Variants in ELSPBP1 observed in about 807,000 individuals in gnomAD.
The protein encoded by ELSPBP1 is epididymal sperm binding protein 1.
ELSPBP1 carries 38 observed loss-of-function variants against 33.3 expected under a neutral mutation model. That is an observed-to-expected ratio of 1.14 (90% CI 0.88 to 1.50). The LOEUF is 1.50. Among genes scored for constraint, ELSPBP1 ranks in the 40% most tolerant of loss-of-function variants. The pLI is 0.00. For missense variants in ELSPBP1, 267 were observed against 263.5 expected (o/e 1.01, Z -0.09); for synonymous variants, 85 against 94.1 (o/e 0.90, Z 0.56).
At position 48,011,217 on chromosome 19, in the gene ELSPBP1, G is replaced by A. The variant is rs1967073201; in HGVS notation, c.70+2480G>A. 6.7e-6 allele frequency among the ~76,000 whole-genome samples: 1 copy of A among 148,330 alleles called. No homozygotes were observed. The highest frequency in any genetic ancestry group is 1.5e-5 in the Non-Finnish European group (1 of 67,014). On this transcript the variant is annotated intron_variant, in intron 2 of 6. Coordinates refer to ENST00000339841, the MANE Select transcript of ELSPBP1 (RefSeq NM_022142.5). The surrounding 1 kb of genome is among the most constrained non-coding windows in gnomAD (Gnocchi z 4.5). ...TAATGATGACAATGATGATGAGAATGACAATAATGGGGTTGATGATGATGA... is the reference window on the plus strand; with the variant it reads ...TAATGATGACAATGATGATGAGAATAACAATAATGGGGTTGATGATGATGA...
chr19:48,023,215 AGGAAGGAGGGAG>A (rs1455111993), intron 6 of ELSPBP1, among the ~76,000 whole-genome samples: 15 of 131,720 alleles, frequency 1.1e-4, no homozygotes, highest in Admixed American at 5.3e-4. Context: ...GAAGGAGGGA[AGGAAGGAGGGAG>A]GGAAGGAAGA....
At chr19:48,013,920 A>G (rs1010062780) in intron 2 of ELSPBP1, among the ~76,000 whole-genome samples, 5 of 152,036 alleles carry the variant, frequency 3.3e-5, no homozygotes, top group African/African-American at 1.2e-4. Context: ...AGAAGGGGCT[A>G]GCTAGCTCTC....
chr19:48,016,928 C>T (rs1024842424), intron 4 of ELSPBP1, among the ~76,000 whole-genome samples: 5 of 152,136 alleles, frequency 3.3e-5, no homozygotes, highest in African/African-American at 7.2e-5. Context: ...AGCCTAACAT[C>T]ATATTAAGTC....
chr19:47,998,619 T>C (rs1331770822), intron 1 of ELSPBP1, among the ~76,000 whole-genome samples: 2 of 151,392 alleles, frequency 1.3e-5, no homozygotes, highest in Non-Finnish European at 2.9e-5. Flanking sequence ...ACCCCGTCTT[T>C]ACTAAAAATA....
At chr19:48,017,896 C>CAAA (rs60130865) in intron 4 of ELSPBP1, among the ~76,000 whole-genome samples, 8 of 66,104 alleles carry the variant, frequency 1.2e-4, no homozygotes, top group Non-Finnish European at 1.6e-4. Context: ...GATCTTGTCT[C>CAAA]AAAAAAAAAA....
intron 2 of ELSPBP1, 112 bp from the exon 3 acceptor site, chr19:48,014,059 G>T: frequency 4.7e-6 from 6 of 1,271,852 alleles, no homozygotes; most frequent in Non-Finnish European, 6.6e-6. Context: ...TTGCGGCGGG[G>T]GCAGGGAGGG....
intron 2 of ELSPBP1, 99 bp downstream of exon 2, chr19:48,008,836 A>C: frequency 1.8e-6 from 2 of 1,095,424 alleles, no homozygotes. Context: ...GAGATGGCTT[A>C]GCAAAAATCT....
intron 6 of ELSPBP1, among the ~76,000 whole-genome samples, chr19:48,024,258 G>A (rs1052520057): frequency 6.6e-6 from 1 of 152,072 alleles, no homozygotes; most frequent in Non-Finnish European, 1.5e-5. Context: ...AGCAGGTGGT[G>A]CAGAGGGTAT....
chr19:48,018,071 A>G (rs1967161802), intron 4 of ELSPBP1, among the ~76,000 whole-genome samples: 1 of 152,068 alleles, frequency 6.6e-6, no homozygotes, highest in Non-Finnish European at 1.5e-5. Context: ...CCAAGAAGAG[A>G]TACCTTTTAG....
intron 2 of ELSPBP1, among the ~76,000 whole-genome samples, chr19:48,009,428 T>C (rs963946986): frequency 4.6e-5 from 7 of 152,190 alleles, no homozygotes; most frequent in African/African-American, 1.7e-4. Context: ...TATCTTAATA[T>C]ATCTCAGAAT....
intron 5 of ELSPBP1, among the ~76,000 whole-genome samples, chr19:48,020,294 G>T (rs1319045514): frequency 6.6e-6 from 1 of 152,146 alleles, no homozygotes; most frequent in Non-Finnish European, 1.5e-5. Flanking sequence ...TCCAGCCTGG[G>T]TGACAGAGTG....
chr19:47,995,325 G>A (rs1966902898), intron 1 of ELSPBP1, among the ~76,000 whole-genome samples: 1 of 152,200 alleles, frequency 6.6e-6, no homozygotes, highest in South Asian at 2.1e-4. Flanking sequence ...GCTAAGGAAG[G>A]TTGCCTGAAT....
intron 1 of ELSPBP1, among the ~76,000 whole-genome samples, chr19:48,006,963 G>T (rs1337290978): frequency 6.6e-6 from 1 of 152,154 alleles, no homozygotes; most frequent in African/African-American, 2.4e-5. Flanking sequence ...GGGGCGTGTT[G>T]TGTGGCTCAG....
chr19:48,002,684 C>T lies in ELSPBP1; in HGVS notation c.-17-5967C>T, dbSNP rs545639727. The stretch of plus-strand genomic sequence containing the variant: ...GCTCGTGCCTGTAATCCCAGTGACT[C>T]AGGAGGCCGAGGCAAGAGAATTGCT... On this transcript the variant is annotated intron_variant, in intron 1 of 6. Coordinates refer to ENST00000339841, the MANE Select transcript of ELSPBP1 (RefSeq NM_022142.5). Among the ~76,000 whole-genome samples, 4 of 152,294 alleles carry T rather than the reference C, an allele frequency of 2.6e-5. No individual in the cohort carries two copies. The South Asian group carries it at 8.3e-4, about 32-fold the overall frequency.
chr19:48,019,943 C>A, intron 5 of ELSPBP1, 66 bp downstream of exon 5: 1 of 1,525,334 alleles, frequency 6.6e-7, no homozygotes, highest in Non-Finnish European at 8.9e-7. Flanking sequence ...CAACAAACAC[C>A]TCCTGAAACC....
intron 1 of ELSPBP1, among the ~76,000 whole-genome samples, chr19:47,995,244 G>A (rs1199673720): frequency 1.3e-5 from 2 of 152,164 alleles, no homozygotes; most frequent in Non-Finnish European, 2.9e-5. Context: ...AGGTGGTCTT[G>A]TGGGTGAGGT....
chr19:48,006,016 A>T lies in ELSPBP1; in HGVS notation c.-17-2635A>T, dbSNP rs1355136499. On this transcript the variant is annotated intron_variant, in intron 1 of 6. Coordinates refer to ENST00000339841, the MANE Select transcript of ELSPBP1 (RefSeq NM_022142.5). ...TGCTGTGTCGCCCAGGCTGGAGTGC[A>T]GTGGTGCGATCATAGTGCACTGCAG... 3.9e-5 allele frequency among the ~76,000 whole-genome samples: 6 copies of T among 152,246 alleles called. No homozygotes were observed. In the East Asian group the frequency reaches 1.2e-3, roughly 29 times the overall value.
At chr19:48,023,532 G>GAAGGAAGAAAGGAAGGGAGT (rs1555736363) in intron 6 of ELSPBP1, among the ~76,000 whole-genome samples, 2 of 108,048 alleles carry the variant, frequency 1.9e-5, no homozygotes, top group Non-Finnish European at 4.0e-5. Flanking sequence ...AGGAAGGGAG[G>GAAGGAAGAAAGGAAGGGAGT]AAGGAAAGAA....
chr19:48,001,676 A>G (rs1322978584), intron 1 of ELSPBP1, among the ~76,000 whole-genome samples: 1 of 151,798 alleles, frequency 6.6e-6, no homozygotes, highest in Non-Finnish European at 1.5e-5. Context: ...TTGAGTAGAC[A>G]GGACTACAGG....
Sources: allele counts gnomAD v4.1 joint callset (sites outside exome capture counted in the v4.1 genomes callset), GRCh38; gene constraint gnomAD v4.1.1; non-coding constraint Gnocchi (gnomAD v3.1); transcripts MANE v1.5; gene names NCBI Gene and HGNC (gene_info 2026-07-23, HGNC 2026-07-21).